LRRK1: variants seen among roughly 807,000 people sequenced by gnomAD.
The protein encoded by LRRK1 is leucine-rich repeat serine/threonine-protein kinase 1.
LRRK1 carries 113 observed loss-of-function variants against 209.1 expected under a neutral mutation model. The ratio of observed to expected loss-of-function variants is 0.54; its 90% CI spans 0.46 to 0.63. The LOEUF is 0.63. Among genes scored for constraint, LRRK1 ranks in the 30% least tolerant of loss-of-function variants. LRRK1 has a pLI of 0.00. For synonymous variants in LRRK1, 1,144 were observed against 1,099.7 expected (o/e 1.04, Z -0.80); for missense variants, 2,284 against 2,632.2 (o/e 0.87, Z 2.89).
In LRRK1 at chr15:100,935,712, G is replaced by A. The variant is rs116856006; in HGVS notation, c.97+10983G>A. ...GACTTGTGTGGGTATCCACACACAA[G>A]TATGTAACAAACCACCCTATCACTT... On this transcript the variant is annotated intron_variant, in intron 2 of 33. Coordinates refer to ENST00000388948, the MANE Select transcript of LRRK1 (RefSeq NM_024652.6). Among the ~76,000 whole-genome samples, 342 of 152,308 alleles carry A rather than the reference G, an allele frequency of 2.2e-3. 1 individual carries two copies. The highest frequency in any genetic ancestry group is 4.2e-3 in the Non-Finnish European group (284 of 68,034).
chr15:101,016,215 ATC>A (rs1281405451), intron 12 of LRRK1, among the ~76,000 whole-genome samples: 6 of 151,706 alleles, frequency 4.0e-5, no homozygotes, highest in African/African-American at 1.5e-4. Flanking sequence ...AAGAACGTTA[ATC>A]TCATAAGGGC....
At chr15:100,956,575 C>G (rs1199961822) in intron 2 of LRRK1, among the ~76,000 whole-genome samples, 1 of 151,104 alleles carries the variant, frequency 6.6e-6, no homozygotes, top group South Asian at 2.1e-4. Flanking sequence ...AAGCAACTCT[C>G]TGCCTCAGCC....
At position 101,055,087 on chromosome 15, in the gene LRRK1, T is replaced by C; in HGVS notation, c.4196T>C (p.Val1399Ala). Residue 1399 changes from valine to alanine, a missense_variant, in exon 27 of 34, where the codon GTC becomes GCC. Val to Ala is a moderately conservative substitution (Grantham distance 64). Around this residue, in one of 6 missense-constraint regions of LRRK1, gnomAD observed 780 missense variants for 985.2 expected, o/e 0.79. Coordinates refer to ENST00000388948, the MANE Select transcript of LRRK1 (RefSeq NM_024652.6). ...AACATTCTGGTGTGGTCCCTTGACG[T>C]CAAGGAGCACATCAACATCAAGCTA... ...SDNILVWSLD[V>A]KEHINIKLSD... 10 of 1,614,162 alleles carry C rather than the reference T, an allele frequency of 6.2e-6. No homozygotes were observed. Among genetic ancestry groups the C allele is most frequent in the Non-Finnish European group, 8.5e-6 (10 of 1,180,002 alleles).
At chr15:100,958,470 G>A (rs982326742) in intron 2 of LRRK1, among the ~76,000 whole-genome samples, 1 of 152,200 alleles carries the variant, frequency 6.6e-6, no homozygotes, top group Non-Finnish European at 1.5e-5. Flanking sequence ...CAAGGCTTTT[G>A]TCTTCCACTT....
chr15:101,026,630 A>C (rs2034046599), intron 17 of LRRK1, among the ~76,000 whole-genome samples: 1 of 152,260 alleles, frequency 6.6e-6, no homozygotes, highest in Non-Finnish European at 1.5e-5. Flanking sequence ...CCCTGGGCTG[A>C]CTGCCTGTCA....
chr15:101,027,629 G>C lies in LRRK1; in HGVS notation c.2527-9G>C. On this transcript the variant is annotated splice_polypyrimidine_tract_variant and intron_variant, in intron 18 of 33. Transcript: ENST00000388948. The surrounding 1 kb of genome is among the most constrained non-coding windows in gnomAD (Gnocchi z 5.1). ...CTGAGAGACCCTGCCTCGCCCAACT[G>C]TCCCCCAGATCCCCAGGAGCTACCT... is the stretch of plus-strand genomic sequence containing the variant. 6.2e-7 allele frequency: 1 copy of C among 1,610,256 alleles called. No individual in the cohort carries two copies. Among genetic ancestry groups the C allele is most frequent in the Non-Finnish European group, 8.5e-7 (1 of 1,178,940 alleles).
At chr15:100,947,846 G>C (rs889436976) in intron 2 of LRRK1, among the ~76,000 whole-genome samples, 4 of 152,194 alleles carry the variant, frequency 2.6e-5, no homozygotes, top group African/African-American at 9.6e-5. Context: ...TAATCCATTT[G>C]TTAAAAAAGT....
At chr15:101,028,427 C>T (rs762095449) in intron 19 of LRRK1, among the ~76,000 whole-genome samples, 1 of 152,208 alleles carries the variant, frequency 6.6e-6, no homozygotes, top group African/African-American at 2.4e-5. Context: ...AACTACACAG[C>T]GTTTCAGCAC....
intron 20 of LRRK1, among the ~76,000 whole-genome samples, chr15:101,042,834 GCTT>G (rs1331935418): frequency 1.3e-5 from 2 of 152,192 alleles, no homozygotes; most frequent in Non-Finnish European, 2.9e-5. Flanking sequence ...TGTAGTGTTG[GCTT>G]CTTCTTTCCT....
rs757356517 is a variant in LRRK1, at chr15:101,055,111, T to C, written c.4220T>C (p.Leu1407Pro). 1 of 1,614,006 alleles carries C rather than the reference T, an allele frequency of 6.2e-7. No homozygotes were observed. The highest frequency in any genetic ancestry group is 8.5e-7 in the Non-Finnish European group (1 of 1,179,954). The change falls in exon 27 of 34, where the codon CTA (leucine) becomes CCA (proline). Residue 1407 changes from leucine (L) to proline (P), a missense_variant. Around this residue, in one of 6 missense-constraint regions of LRRK1, gnomAD observed 780 missense variants for 985.2 expected, o/e 0.79. Coordinates refer to ENST00000388948, the MANE Select transcript of LRRK1 (RefSeq NM_024652.6). ...GTCAAGGAGCACATCAACATCAAGCTATCTGACTACGGGATTTCGAGGCAG... is the reference window on the plus strand; with the variant it reads ...GTCAAGGAGCACATCAACATCAAGCCATCTGACTACGGGATTTCGAGGCAG... ...LDVKEHINIK[L>P]SDYGISRQSF...
In LRRK1 at chr15:101,027,653, C is replaced by G. The variant is rs775330321; in HGVS notation, c.2542C>G (p.Leu848Val). 2 of 1,612,740 alleles carry G rather than the reference C, an allele frequency of 1.2e-6. No individual in the cohort carries two copies. The highest frequency in any genetic ancestry group is 4.5e-5 in the East Asian group (2 of 44,840). The change falls in exon 19 of 34, where the codon CTG becomes GTG. Residue 848 changes from leucine (L) to valine (V), a missense_variant. This residue lies in a region of LRRK1 where 780 missense variants were observed against 985.2 expected (regional missense o/e 0.79). Coordinates refer to ENST00000388948, the MANE Select transcript of LRRK1 (RefSeq NM_024652.6). The surrounding 1 kb of genome is among the most constrained non-coding windows in gnomAD (Gnocchi z 5.1). ...TGTCCCCCAGATCCCCAGGAGCTAC[C>G]TGAGCCTGCAGGAGGCCGTGCTGGC... ...LAGRLIPRSY[L>V]SLQEAVLAEQ...
intron 9 of LRRK1, 29 bp downstream of exon 9, chr15:101,010,866 CCA>C: frequency 2.5e-6 from 4 of 1,595,282 alleles, no homozygotes; most frequent in Non-Finnish European, 3.4e-6. Context: ...GTCATGAAAG[CCA>C]CAGTCAACTC....
rs577409624 is a variant in LRRK1, at chr15:100,989,380, C to T, written c.744C>T (p.Ser248=). The T allele has an allele frequency of 6.2e-7, 1 of 1,614,188 alleles. No homozygotes were observed. Among genetic ancestry groups the T allele is most frequent in the African/African-American group, 1.3e-5 (1 of 75,066 alleles). The change falls in exon 6 of 34, where the codon AGC becomes AGT. Residue 248 remains serine (S), a synonymous_variant. Coordinates refer to ENST00000388948, the MANE Select transcript of LRRK1 (RefSeq NM_024652.6). ...KYFIEASPLP[S]SYPGKTALRV... ...TCATTGAAGCCAGTCCCTTGCCCAG[C>T]AGTTATCCGGGAAAAACAGTGAGTA... is the stretch of plus-strand genomic sequence containing the variant.
intron 6 of LRRK1, among the ~76,000 whole-genome samples, chr15:101,008,569 CCGG>C (rs2033087027): frequency 2.6e-5 from 4 of 151,918 alleles, no homozygotes; most frequent in Non-Finnish European, 5.9e-5. Flanking sequence ...CCCGCGCCCA[CCGG>C]CGCCCTCTGG....
intron 2 of LRRK1, among the ~76,000 whole-genome samples, chr15:100,972,934 A>ACACACCCC (rs11472046): frequency 1.1e-4 from 16 of 151,646 alleles, no homozygotes; most frequent in South Asian, 8.3e-4. Flanking sequence ...ACACACACAC[A>ACACACCCC]CACCCAGTTT....
intron 12 of LRRK1, 134 bp downstream of exon 12, chr15:101,015,536 A>C: frequency 1.5e-6 from 1 of 658,174 alleles, no homozygotes; most frequent in Admixed American, 2.8e-5. Context: ...ACAGATGTCC[A>C]AGTTCAAATG....
At chr15:100,931,250 C>A (rs1188107819) in intron 2 of LRRK1, among the ~76,000 whole-genome samples, 1 of 152,146 alleles carries the variant, frequency 6.6e-6, no homozygotes, top group Non-Finnish European at 1.5e-5. Context: ...TTGTGCCTGG[C>A]GACATCCTCT....
intron 2 of LRRK1, among the ~76,000 whole-genome samples, chr15:100,961,561 G>A (rs897288647): frequency 6.6e-6 from 1 of 151,668 alleles, no homozygotes; most frequent in Non-Finnish European, 1.5e-5. Flanking sequence ...GCTGAGGCAG[G>A]AGAATCACTT....
chr15:101,042,175 G>A (rs536393442), intron 20 of LRRK1, among the ~76,000 whole-genome samples: 4 of 152,266 alleles, frequency 2.6e-5, no homozygotes, highest in South Asian at 4.1e-4. Flanking sequence ...GAAGAATTAC[G>A]TGTAGCATGT....
Sources: gnomAD v4.1 joint callset for allele counts (sites outside exome capture counted in the v4.1 genomes callset) on GRCh38, gnomAD v4.1.1 for gene constraint, gnomAD v4.1.1 regional missense constraint, Gnocchi (gnomAD v3.1) non-coding constraint, MANE v1.5 for transcripts, NCBI Gene and HGNC (gene_info 2026-07-23, HGNC 2026-07-21) for gene names.